PHTF2: variants seen among roughly 807,000 people sequenced by gnomAD.
PHTF2 encodes putative homeodomain transcription factor 2.
PHTF2 carries 60 observed loss-of-function variants against 101.2 expected under a neutral mutation model. That is an observed-to-expected ratio of 0.59 (90% CI 0.48 to 0.73). The LOEUF (loss-of-function observed/expected upper bound fraction) is 0.73. PHTF2 is among the 30% of genes least tolerant of loss of function. The probability of loss-of-function intolerance (pLI) is 0.00; values close to 1 mark genes in which losing one functional copy is unlikely to be tolerated. For missense variants in PHTF2, 747 were observed against 908.7 expected, an observed-to-expected ratio of 0.82 and a Z score of 2.29; for synonymous variants, 311 against 307.3, an observed-to-expected ratio of 1.01 and a Z score of -0.13.
At chr7:77,943,810 G>A (rs1356541498) in intron 16 of PHTF2, among the ~76,000 whole-genome samples, 1 of 151,972 alleles carries the variant, frequency 6.6e-6, no homozygotes, top group African/African-American at 2.4e-5. Context: ...CTGAGGTCAG[G>A]AGTTCGAGAC....
intron 16 of PHTF2, among the ~76,000 whole-genome samples, chr7:77,945,132 G>A (rs1261555834): frequency 2.6e-5 from 4 of 152,200 alleles, no homozygotes; most frequent in African/African-American, 9.6e-5. Context: ...TTGAGGTCAG[G>A]AGTTCGCAAG....
Position 77,956,403 on chromosome 7 carries a change from G to C in PHTF2, c.*1525G>C, listed in dbSNP as rs566907496. ...TTGCTCTTACCATTCCTTTTGATCA[G>C]CCTCAATTCAGCCTCATTGTGTAGT... On this transcript the variant is annotated 3_prime_UTR_variant, in exon 20 of 20. Transcript: ENST00000416283. 6 of 152,632 alleles carry C rather than the reference G, an allele frequency of 3.9e-5. No individual in the cohort carries two copies. The East Asian group carries it at 1.2e-3, about 29-fold the overall frequency. 9.5% of individuals were successfully genotyped at this position (152,632 alleles called of 1,614,324 possible).
chr7:77,913,399 A>C (rs1194554474), intron 9 of PHTF2, among the ~76,000 whole-genome samples: 1 of 152,008 alleles, frequency 6.6e-6, no homozygotes, highest in Non-Finnish European at 1.5e-5. Flanking sequence ...AAAAAAAAAA[A>C]AAAAAGATAG....
At position 77,837,760 on chromosome 7, in the gene PHTF2, G is replaced by A. The variant is rs182529961; in HGVS notation, c.-35-2461G>A. Among the ~76,000 whole-genome samples, 11 of 152,174 alleles carry A rather than the reference G, an allele frequency of 7.2e-5. No homozygotes were observed. In the East Asian group the frequency reaches 2.1e-3, roughly 29 times the overall value. ...TTTGCGATTATTTTCTTGTGAGGCAGGCAGTGTTTTTCAAACTTTCATTTG... is the reference window on the plus strand; with the variant it reads ...TTTGCGATTATTTTCTTGTGAGGCAAGCAGTGTTTTTCAAACTTTCATTTG... On this transcript the variant is annotated intron_variant, in intron 1 of 19. Transcript: ENST00000416283.
At chr7:77,836,508 A>G (rs1279540710) in intron 1 of PHTF2, among the ~76,000 whole-genome samples, 2 of 152,198 alleles carry the variant, frequency 1.3e-5, no homozygotes, top group Admixed American at 1.3e-4. Flanking sequence ...CAATACAGCA[A>G]ATAAAGACAC....
chr7:77,920,848 A>AT (rs571074467), intron 10 of PHTF2, among the ~76,000 whole-genome samples: 18 of 149,432 alleles, frequency 1.2e-4, no homozygotes, highest in South Asian at 2.1e-4. Flanking sequence ...TGCCCGGCTA[A>AT]TTTTTTTTTT....
At chr7:77,903,525 A>G (rs1383190537) in intron 7 of PHTF2, among the ~76,000 whole-genome samples, 2 of 152,228 alleles carry the variant, frequency 1.3e-5, no homozygotes, top group Admixed American at 6.5e-5. Context: ...CTGACATTGT[A>G]TAATTATATT....
At chr7:77,806,916 C>T (rs1793038880) in intron 1 of PHTF2, among the ~76,000 whole-genome samples, 1 of 152,062 alleles carries the variant, frequency 6.6e-6, no homozygotes, top group Non-Finnish European at 1.5e-5. Context: ...CTCTGTTTCC[C>T]CTTTCTGAAA....
intron 3 of PHTF2, among the ~76,000 whole-genome samples, chr7:77,859,564 C>CT (rs34014317): frequency 0.016 from 2,057 of 131,598 alleles, 23 homozygotes; most frequent in African/African-American, 0.027. Context: ...TTTCTTTCTT[C>CT]TTTTTTTTTT....
rs574626955 is a variant in PHTF2 at position 77,932,091 on chromosome 7, C to T, written c.1338+2764C>T. ...ACTCCAGCCTGAGCGACAGAGCGGA[C>T]TCTGTCTCAAAAATAAAATAAAAAA... is the stretch of plus-strand genomic sequence containing the variant. On this transcript the variant is annotated intron_variant, in intron 12 of 19. Coordinates refer to ENST00000416283, the Ensembl canonical transcript of PHTF2. Among the ~76,000 whole-genome samples, 3 of 152,142 alleles carry T rather than the reference C, an allele frequency of 2.0e-5. No homozygotes were observed. In the East Asian group the frequency reaches 5.8e-4, roughly 29 times the overall value.
At chr7:77,919,671 G>A (rs989603440) in intron 9 of PHTF2, among the ~76,000 whole-genome samples, 1 of 152,056 alleles carries the variant, frequency 6.6e-6, no homozygotes, top group South Asian at 2.1e-4. Context: ...ATATTTATAA[G>A]CTGCATGATT....
At chr7:77,951,946 A>G (rs1806582956) in intron 18 of PHTF2, among the ~76,000 whole-genome samples, 1 of 152,132 alleles carries the variant, frequency 6.6e-6, no homozygotes. Context: ...TGTCTGGAGT[A>G]TTGTAGAGGT....
At chr7:77,874,973 G>A (rs954461801) in intron 3 of PHTF2, among the ~76,000 whole-genome samples, 10 of 152,058 alleles carry the variant, frequency 6.6e-5, no homozygotes, top group Admixed American at 3.3e-4. Flanking sequence ...CTGTTCCATT[G>A]GTCTCTGTGT....
chr7:77,929,327 G>T (rs1258493030), exon 12 of PHTF2: 3 of 1,565,836 alleles, frequency 1.9e-6, no homozygotes, highest in Non-Finnish European at 2.6e-6. Context: ...CTTTTCATCA[G>T]GTTGGTTTAT....
At chr7:77,867,646 G>A (rs745606887) in intron 3 of PHTF2, among the ~76,000 whole-genome samples, 6 of 152,280 alleles carry the variant, frequency 3.9e-5, no homozygotes, top group Non-Finnish European at 7.4e-5. Context: ...AACTGTGGTT[G>A]GACTTTCTAT....
At chr7:77,910,048 T>TA in intron 8 of PHTF2, 197 bp from the exon 8 acceptor site, 1 of 488,804 alleles carries the variant, frequency 2.0e-6, no homozygotes, top group South Asian at 3.1e-5. Context: ...CAAGGACCAA[T>TA]ACCTTAACAT....
chr7:77,950,538 G>GT (rs1198473265), intron 17 of PHTF2, among the ~76,000 whole-genome samples: 1 of 152,148 alleles, frequency 6.6e-6, no homozygotes. Flanking sequence ...GTGCGTGCCT[G>GT]TAATCCCAGC....
chr7:77,915,148 A>T (rs1802789734), intron 9 of PHTF2, among the ~76,000 whole-genome samples: 2 of 151,486 alleles, frequency 1.3e-5, no homozygotes, highest in African/African-American at 4.9e-5. Flanking sequence ...TGACTTCGTG[A>T]TCCTCCTGCT....
At chr7:77,861,889 C>T (rs1797672286) in intron 3 of PHTF2, among the ~76,000 whole-genome samples, 1 of 152,134 alleles carries the variant, frequency 6.6e-6, no homozygotes, top group African/African-American at 2.4e-5. Context: ...GAAACCCCGT[C>T]TCCACTAAAA....
Sources: gnomAD v4.1 joint callset for allele counts (sites outside exome capture counted in the v4.1 genomes callset) on GRCh38, gnomAD v4.1.1 for gene constraint, MANE v1.5 for transcripts, NCBI Gene and HGNC (gene_info 2026-07-23, HGNC 2026-07-21) for gene names.